NUP153: variants seen among roughly 807,000 people sequenced by gnomAD.
NUP153 encodes the protein nuclear pore complex protein Nup153.
Under a neutral mutation model 134.6 loss-of-function variants are expected in NUP153, and 27 were observed. The ratio of observed to expected loss-of-function variants is 0.20; its 90% CI spans 0.15 to 0.28. The LOEUF (loss-of-function observed/expected upper bound fraction) is 0.28, where lower values mean the gene tolerates loss of function less well. Among genes scored for constraint, NUP153 ranks in the 10% least tolerant of loss-of-function variants. NUP153 has a pLI of 1.00. For synonymous variants in NUP153, 640 were observed against 623.5 expected, an observed-to-expected ratio of 1.03 and a Z score of -0.40; for missense variants, 1,821 against 1,731.3, an observed-to-expected ratio of 1.05 and a Z score of -0.92.
rs372478786 is a variant in NUP153 at position 17,668,949 on chromosome 6, A to G, written c.1068+26T>C. 2.0e-5 allele frequency: 30 copies of G among 1,503,790 alleles called. No homozygotes were observed. The African/African-American group carries it at 4.0e-4, about 20-fold the overall frequency. 93.2% of individuals were successfully genotyped at this position (1,503,790 alleles called of 1,614,324 possible). On this transcript the variant is annotated intron_variant, in intron 8 of 21. Coordinates refer to ENST00000262077, the MANE Select transcript of NUP153 (RefSeq NM_005124.4). ...CACAACAAAATTGTAGACAGTTTAA[A>G]TAACTAAATGCTAAAGAAGTTTTAC...
intron 2 of NUP153, among the ~76,000 whole-genome samples, chr6:17,678,094 AC>A (rs1445503401): frequency 1.3e-5 from 2 of 152,020 alleles, no homozygotes; most frequent in African/African-American, 4.8e-5. Context: ...AGTGGTTCAC[AC>A]CTGTAATCCC....
At position 17,626,084 on chromosome 6, in the gene NUP153, C is replaced by T. The variant is rs1764933536; in HGVS notation, c.3625G>A (p.Gly1209Ser). 1.2e-6 allele frequency: 2 copies of T among 1,613,986 alleles called. No individual in the cohort carries two copies. The highest frequency in any genetic ancestry group is 2.7e-5 in the African/African-American group (2 of 75,062). ...SSSTPATSAGGGIFGSSTSSS... is the reference protein window; with the variant it reads ...SSSTPATSAGSGIFGSSTSSS... The stretch of plus-strand genomic sequence containing the variant: ...GAGGTGGAACTACCAAATATGCCAC[C>T]ACCAGCAGAAGTGGCTGGTGTACTT... The change falls in exon 19 of 22, where the codon GGT becomes AGT. Residue 1209 changes from glycine to serine, a missense_variant. Gly to Ser is a moderately conservative substitution (Grantham distance 56). Coordinates refer to ENST00000262077, the MANE Select transcript of NUP153 (RefSeq NM_005124.4).
chr6:17,619,896 G>A (rs1020492947), intron 20 of NUP153, among the ~76,000 whole-genome samples: 8 of 152,048 alleles, frequency 5.3e-5, no homozygotes, highest in Admixed American at 2.6e-4. Flanking sequence ...TCAGGAGTTC[G>A]AGACCAGCGT....
intron 12 of NUP153, among the ~76,000 whole-genome samples, chr6:17,648,832 A>G (rs1396209966): frequency 1.3e-5 from 2 of 152,042 alleles, no homozygotes; most frequent in African/African-American, 4.8e-5. Context: ...AGCACATTAA[A>G]AGATGTTACG....
chr6:17,669,219 C>T (rs879485442), intron 7 of NUP153, 74 bp downstream of exon 7: 82 of 1,288,234 alleles, frequency 6.4e-5, no homozygotes, highest in Admixed American at 3.6e-5. Context: ...GCTGGGACTA[C>T]AGGTGTGCAC....
At chr6:17,662,243 C>T (rs1767235399) in intron 9 of NUP153, 173 bp from the exon 10 acceptor site, 1 of 160,276 alleles carries the variant, frequency 6.2e-6, no homozygotes, top group Non-Finnish European at 1.3e-5. Flanking sequence ...CCAAGAGTTA[C>T]AGTGAGATTA....
intron 1 of NUP153, among the ~76,000 whole-genome samples, chr6:17,695,048 T>C (rs1769551811): frequency 1.3e-5 from 2 of 151,930 alleles, no homozygotes; most frequent in Non-Finnish European, 1.5e-5. Context: ...AAGACCCAAA[T>C]ACAGGCGTGT....
chr6:17,637,897 T>G (rs1765642972), intron 15 of NUP153, 127 bp from the exon 16 acceptor site: 5 of 1,034,776 alleles, frequency 4.8e-6, no homozygotes. Flanking sequence ...ATGAACTACT[T>G]AAGAATTGTT....
chr6:17,637,512 T>G lies in NUP153; in HGVS notation c.2105A>C (p.Lys702Thr). The G allele has an allele frequency of 3.1e-6, 5 of 1,614,232 alleles. No homozygotes were observed. The highest frequency in any genetic ancestry group is 4.2e-6 in the Non-Finnish European group (5 of 1,180,032). The change falls in exon 16 of 22, where the codon AAA (lysine) becomes ACA (threonine). Residue 702 changes from lysine (K) to threonine (T), a missense_variant. Lys to Thr is a moderately conservative substitution (Grantham distance 78). Coordinates refer to ENST00000262077, the MANE Select transcript of NUP153 (RefSeq NM_005124.4). Reference protein sequence around the residue: ...AKQTGIETPNKSGKTTLSASG... With the variant: ...AKQTGIETPNTSGKTTLSASG... Reference sequence around the variant, plus strand: ...TGCAGAAAGAGTTGTTTTGCCACTTTTATTTGGTGTTTCAATTCCAGTCTG... The same window carrying G: ...TGCAGAAAGAGTTGTTTTGCCACTTGTATTTGGTGTTTCAATTCCAGTCTG...
Position 17,706,430 on chromosome 6 carries a change from G to T in NUP153, c.-43C>A. On this transcript the variant is annotated 5_prime_UTR_variant, in exon 1 of 22. Coordinates refer to ENST00000262077, the MANE Select transcript of NUP153 (RefSeq NM_005124.4). This position sits in a 1 kb window ranked among gnomAD's most constrained non-coding sequence, Gnocchi z 5.9. ...TTCCCGCTCCGGGGCGGGTAAGGGG[G>T]CGGGAGAGGCAGAGGCGGAGGCCTT... 1 of 1,519,662 alleles carries T rather than the reference G, an allele frequency of 6.6e-7. No homozygotes were observed. The allele number at this position is 1,519,662 out of a possible 1,614,324, so 94.1% of individuals were successfully genotyped here.
In NUP153 at chr6:17,640,042, G is replaced by A. The variant is rs1192159318; in HGVS notation, c.1743C>T (p.Asn581=). The A allele has an allele frequency of 1.3e-6, 2 of 1,599,314 alleles. No homozygotes were observed. The highest frequency in any genetic ancestry group is 1.3e-5 in the African/African-American group (1 of 74,128). Residue 581 remains asparagine (N), a synonymous_variant, in exon 15 of 22, where the codon AAC becomes AAT. Coordinates refer to ENST00000262077, the MANE Select transcript of NUP153 (RefSeq NM_005124.4). ...SSSAHHVTTV[N]STNCKKTPPE... ...GTGGTGTCTTCTTACAATTTGTACT[G>A]TTCACTGTAGTGACATGATGAGCTG... is the stretch of plus-strand genomic sequence containing the variant.
At chr6:17,674,451 T>G (rs1768098677) in intron 5 of NUP153, among the ~76,000 whole-genome samples, 1 of 152,156 alleles carries the variant, frequency 6.6e-6, no homozygotes, top group Non-Finnish European at 1.5e-5. Flanking sequence ...CCATAGCTGT[T>G]GTTTTCCCAA....
At chr6:17,623,910 GAGAA>G (rs1275988189) in intron 20 of NUP153, among the ~76,000 whole-genome samples, 2 of 152,100 alleles carry the variant, frequency 1.3e-5, no homozygotes, top group Non-Finnish European at 2.9e-5. Context: ...CATTAGAGTG[GAGAA>G]AGAGAGGAGT....
rs898692836 is a variant in NUP153 at position 17,680,841 on chromosome 6, T to A, written c.335-5071A>T. On this transcript the variant is annotated intron_variant, in intron 2 of 21. Transcript: ENST00000262077. This position sits in a 1 kb window ranked among gnomAD's most constrained non-coding sequence, Gnocchi z 4.5. ...GTTGTTGGTGGGAATTATCAATTAG[T>A]ACAGCCATCATGGAGAACATCATTG... Among the ~76,000 whole-genome samples the A allele has an allele frequency of 6.6e-6, 1 of 152,210 alleles. No individual in the cohort carries two copies. Among genetic ancestry groups the A allele is most frequent in the Non-Finnish European group, 1.5e-5 (1 of 68,042 alleles).
intron 20 of NUP153, among the ~76,000 whole-genome samples, chr6:17,624,045 GA>G (rs968379041): frequency 6.6e-6 from 1 of 151,816 alleles, no homozygotes; most frequent in Non-Finnish European, 1.5e-5. Context: ...TTCACAATTA[GA>G]AAAAAATCAA....
chr6:17,648,643 A>T (rs111712045), intron 12 of NUP153, among the ~76,000 whole-genome samples: 135 of 152,038 alleles, frequency 8.9e-4, no homozygotes, highest in African/African-American at 3.0e-3. Context: ...TTTAAAAAAA[A>T]ATTTTTTTAA....
In NUP153 at chr6:17,637,717, G is replaced by A; in HGVS notation, c.1900C>T (p.Pro634Ser). ...ATTGCTGGTCTTGTATAAACTACTGGGCTTGTTGCGGTGGGCTGAGCAGCA... is the reference window on the plus strand; with the variant it reads ...ATTGCTGGTCTTGTATAAACTACTGAGCTTGTTGCGGTGGGCTGAGCAGCA... The part of the protein sequence containing the change: ...SVAAQPTATS[P>S]VVYTRPAISS... The change falls in exon 16 of 22, where the codon CCA becomes TCA. Residue 634 changes from proline (P) to serine (S), a missense_variant. Physicochemically the swap from Pro to Ser is moderately conservative, Grantham distance 74 (BLOSUM62 -1). Transcript: ENST00000262077. The A allele has an allele frequency of 6.2e-7, 1 of 1,607,374 alleles. No homozygotes were observed. Among genetic ancestry groups the A allele is most frequent in the South Asian group, 1.1e-5 (1 of 91,078 alleles).
rs745853844 is a variant in NUP153, at chr6:17,637,461, A to G, written c.2156T>C (p.Phe719Ser). Residue 719 changes from phenylalanine to serine, a missense_variant, in exon 16 of 22, where the codon TTT becomes TCT. By Grantham distance (155) the Phe-to-Ser change is radical. Transcript: ENST00000262077. ...ATCCCAAGTGCCTATCACTGGTTTAAATTTGTCTCCAAAGCCTGTCCCTGA... is the reference window on the plus strand; with the variant it reads ...ATCCCAAGTGCCTATCACTGGTTTAGATTTGTCTCCAAAGCCTGTCCCTGA... Reference protein sequence around the residue: ...SASGTGFGDKFKPVIGTWDCD... With the variant: ...SASGTGFGDKSKPVIGTWDCD... The G allele has an allele frequency of 6.2e-7, 1 of 1,614,200 alleles. No homozygotes were observed. The highest frequency in any genetic ancestry group is 1.1e-5 in the South Asian group (1 of 91,086).
In NUP153 at chr6:17,697,002, C is replaced by T. The variant is rs775576435; in HGVS notation, c.112-8384G>A. Among the ~76,000 whole-genome samples the T allele has an allele frequency of 4.0e-4, 61 of 151,252 alleles. 1 individual carries two copies. The Middle Eastern group carries it at 0.014, about 34-fold the overall frequency. On this transcript the variant is annotated intron_variant, in intron 1 of 21. Coordinates refer to ENST00000262077, the MANE Select transcript of NUP153 (RefSeq NM_005124.4). ...AGGAGAATCACTTGAACCTGGGAGA[C>T]GGAGGTTGCAGTGAGCCCAGATCAC...
Sources: allele counts gnomAD v4.1 joint callset (sites outside exome capture counted in the v4.1 genomes callset), GRCh38; gene constraint gnomAD v4.1.1; non-coding constraint Gnocchi (gnomAD v3.1); transcripts MANE v1.5; gene names NCBI Gene and HGNC (gene_info 2026-07-23, HGNC 2026-07-21).